The following KIT variants were observed in gnomAD, a reference collection of about 807,000 sequenced individuals.
KIT encodes the protein KIT proto-oncogene, receptor tyrosine kinase.
A neutral mutation model predicts 105.7 loss-of-function variants in KIT; 16 were observed. The observed-to-expected ratio is 0.15, with a 90% CI of 0.10 to 0.23. The LOEUF (loss-of-function observed/expected upper bound fraction) is 0.23. KIT is among the 10% of genes least tolerant of loss of function. The pLI is 1.00. For synonymous variants in KIT, 438 were observed against 441.1 expected (o/e 0.99, Z 0.09); for missense variants, 858 against 1,213.8 (o/e 0.71, Z 4.36).
rs55948219 is a variant in KIT, at chr4:54,703,975, G to T, written c.925+83G>T. The T allele has an allele frequency of 7.5e-5, 82 of 1,094,734 alleles. 1 individual carries two copies. The East Asian group carries it at 1.9e-3, about 25-fold the overall frequency. 67.8% of individuals were successfully genotyped at this position (1,094,734 alleles called of 1,614,324 possible). The stretch of plus-strand genomic sequence containing the variant: ...AGACAGTTTCTTTTTTATGTAAATG[G>T]AATGTTGAACAGATTCTTAGAATTT... On this transcript the variant is annotated intron_variant, in intron 5 of 20. Coordinates refer to ENST00000288135, the MANE Select transcript of KIT (RefSeq NM_000222.3).
At chr4:54,663,501 T>C (rs1717450301) in intron 1 of KIT, among the ~76,000 whole-genome samples, 1 of 152,124 alleles carries the variant, frequency 6.6e-6, no homozygotes, top group Non-Finnish European at 1.5e-5. Flanking sequence ...TGAAAACGTG[T>C]AAACAGAATA....
chr4:54,716,506 C>T (rs778603953), intron 7 of KIT, among the ~76,000 whole-genome samples: 1 of 152,036 alleles, frequency 6.6e-6, no homozygotes, highest in Non-Finnish European at 1.5e-5. Flanking sequence ...ATACATTCCT[C>T]CAGACCATTA....
At chr4:54,715,384 A>T (rs886976537) in intron 7 of KIT, among the ~76,000 whole-genome samples, 9 of 149,962 alleles carry the variant, frequency 6.0e-5, no homozygotes, top group Non-Finnish European at 5.9e-5. Flanking sequence ...AAAAAAAAAA[A>T]AATGCCCGGG....
intron 7 of KIT, among the ~76,000 whole-genome samples, chr4:54,722,437 A>G (rs150249450): frequency 1.3e-5 from 2 of 152,302 alleles, no homozygotes; most frequent in African/African-American, 4.8e-5. Context: ...ATTTAGAGAG[A>G]TGTAGAAACT....
chr4:54,665,547 C>T (rs28556673), intron 1 of KIT, among the ~76,000 whole-genome samples: 1 of 151,960 alleles, frequency 6.6e-6, no homozygotes, highest in Non-Finnish European at 1.5e-5. Flanking sequence ...TTCTCTCATT[C>T]GGCGTATTTA....
At chr4:54,731,723 T>C (rs1722608133) in intron 15 of KIT, 148 bp from the exon 16 acceptor site, 1 of 825,768 alleles carries the variant, frequency 1.2e-6, no homozygotes. Context: ...ATTCAGCATC[T>C]ACCTTTCCTG....
chr4:54,712,133 T>C (rs1337615275), intron 7 of KIT, among the ~76,000 whole-genome samples: 6 of 152,174 alleles, frequency 3.9e-5, no homozygotes, highest in Admixed American at 1.3e-4. Flanking sequence ...AACCTTTCTA[T>C]GTTAAAAGAC....
chr4:54,703,687 A>G, intron 4 of KIT, 37 bp from the exon 5 acceptor site: 2 of 1,546,232 alleles, frequency 1.3e-6, no homozygotes, highest in Non-Finnish European at 1.8e-6. Flanking sequence ...TTATATGGTA[A>G]TCTTCATTTT....
At chr4:54,661,840 C>A (rs994689374) in intron 1 of KIT, among the ~76,000 whole-genome samples, 3 of 152,116 alleles carry the variant, frequency 2.0e-5, no homozygotes, top group African/African-American at 7.2e-5. Context: ...TGAGTTGAGT[C>A]ATAGAGAGGA....
intron 14 of KIT, 117 bp downstream of exon 14, chr4:54,729,602 C>T: frequency 1.1e-6 from 1 of 922,718 alleles, no homozygotes; most frequent in Non-Finnish European, 1.7e-6. Flanking sequence ...GGTATGAAAT[C>T]AAAATTATTA....
intron 7 of KIT, among the ~76,000 whole-genome samples, chr4:54,719,281 G>C (rs1190029424): frequency 6.6e-6 from 1 of 152,116 alleles, no homozygotes; most frequent in Admixed American, 6.6e-5. Flanking sequence ...TCTACCATTG[G>C]CTTGTGTATT....
intron 1 of KIT, among the ~76,000 whole-genome samples, chr4:54,677,279 C>T (rs1035776705): frequency 4.7e-5 from 7 of 150,406 alleles, no homozygotes; most frequent in African/African-American, 1.5e-4. Flanking sequence ...TCCCCACCCT[C>T]GTCCCAGGAG....
In KIT at chr4:54,658,304, T is replaced by A. The variant is rs55876886; in HGVS notation, c.67+223T>A. On this transcript the variant is annotated intron_variant, in intron 1 of 20. Coordinates refer to ENST00000288135, the MANE Select transcript of KIT (RefSeq NM_000222.3). ...AGCTGCTGGTGGTGGGGGACGCGAATCCGGGGTTCTTCGGGAATGGGGACA... is the reference window on the plus strand; with the variant it reads ...AGCTGCTGGTGGTGGGGGACGCGAAACCGGGGTTCTTCGGGAATGGGGACA... Among the ~76,000 whole-genome samples, 113 of 152,052 alleles carry A rather than the reference T, an allele frequency of 7.4e-4. 1 individual carries two copies. Among genetic ancestry groups the A allele is most frequent in the African/African-American group, 2.6e-3 (109 of 41,488 alleles).
At chr4:54,718,417 T>A (rs1721639862) in intron 7 of KIT, among the ~76,000 whole-genome samples, 1 of 152,158 alleles carries the variant, frequency 6.6e-6, no homozygotes, top group Non-Finnish European at 1.5e-5. Flanking sequence ...ACTAAGAACG[T>A]TATTGAATTT....
chr4:54,694,427 C>T (rs1463862893), intron 1 of KIT, among the ~76,000 whole-genome samples: 1 of 152,194 alleles, frequency 6.6e-6, no homozygotes, highest in Admixed American at 6.5e-5. Flanking sequence ...TCACAGTTTG[C>T]TGCAGCCTCA....
chr4:54,721,302 C>G (rs949846465), intron 7 of KIT, among the ~76,000 whole-genome samples: 6 of 152,140 alleles, frequency 3.9e-5, no homozygotes, highest in Admixed American at 1.3e-4. Context: ...TAAACTGAGT[C>G]CAGAGAGACC....
At chr4:54,700,113 C>A (rs1157486405) in intron 4 of KIT, among the ~76,000 whole-genome samples, 1 of 152,116 alleles carries the variant, frequency 6.6e-6, no homozygotes, top group East Asian at 1.9e-4. Context: ...ATTGTTGATA[C>A]CGTTTAGGCC....
chr4:54,722,454 A>G (rs1244486457), intron 7 of KIT, among the ~76,000 whole-genome samples: 4 of 152,192 alleles, frequency 2.6e-5, no homozygotes, highest in Non-Finnish European at 5.9e-5. Context: ...AACTTACTCA[A>G]GTTCAAAGAA....
At chr4:54,693,929 T>C (rs1210877643) in intron 1 of KIT, among the ~76,000 whole-genome samples, 1 of 152,210 alleles carries the variant, frequency 6.6e-6, no homozygotes, top group Non-Finnish European at 1.5e-5. Context: ...TCTGAATTCC[T>C]TACTGTAGGT....
Sources: allele counts gnomAD v4.1 joint callset (sites outside exome capture counted in the v4.1 genomes callset), GRCh38; gene constraint gnomAD v4.1.1; transcripts MANE v1.5; gene names NCBI Gene and HGNC (gene_info 2026-07-23, HGNC 2026-07-21).